The following TAB2 variants were observed in gnomAD, a reference collection of about 807,000 sequenced individuals.
TAB2 encodes TGF-beta activated kinase 1 (MAP3K7) binding protein 2.
Under a neutral mutation model 65.0 loss-of-function variants are expected in TAB2, and 3 were observed. The ratio of observed to expected loss-of-function variants is 0.05; its 90% CI spans 0.02 to 0.12. The LOEUF (loss-of-function observed/expected upper bound fraction) is 0.12. Ranked by LOEUF, TAB2 falls within the 10% of genes least tolerant of loss-of-function variation. The pLI is 1.00. For synonymous variants in TAB2, 298 were observed against 285.1 expected (o/e 1.05, Z -0.46); for missense variants, 623 against 840.3 (o/e 0.74, Z 3.20).
chr6:149,317,420 C>CGCCGCA (rs774368653), upstream of TAB2: 5 of 5,018 alleles, frequency 1.0e-3, no homozygotes, highest in East Asian at 7.0e-3. This position sits in a 1 kb window ranked among gnomAD's most constrained non-coding sequence, Gnocchi z 4.7. Context: ...CAGCCGCAGC[C>CGCCGCA]GCCGCCGCCG....
At chr6:149,339,790 G>A (rs1780058997) in intron 1 of TAB2, among the ~76,000 whole-genome samples, 1 of 151,544 alleles carries the variant, frequency 6.6e-6, no homozygotes, top group African/African-American at 2.4e-5. Context: ...GTAGAGACGG[G>A]GTTTTACCAT....
chr6:149,312,524 G>A (rs181169031), intron 1 of TAB2, among the ~76,000 whole-genome samples: 47 of 152,198 alleles, frequency 3.1e-4, no homozygotes, highest in African/African-American at 1.1e-3. Context: ...CACCACGCCC[G>A]ACTAATTTTT....
chr6:149,265,727 G>T (rs147370890), intron 1 of TAB2, among the ~76,000 whole-genome samples: 1 of 152,178 alleles, frequency 6.6e-6, no homozygotes, highest in Non-Finnish European at 1.5e-5. Context: ...CAACGCCAAC[G>T]CCCCAAGCCC....
At chr6:149,271,108 T>C (rs1778354252) in intron 1 of TAB2, among the ~76,000 whole-genome samples, 1 of 152,024 alleles carries the variant, frequency 6.6e-6, no homozygotes, top group African/African-American at 2.4e-5. Flanking sequence ...CTTGGGAGGC[T>C]TAGGTAAGAG....
At chr6:149,252,700 C>G (rs1460326685) in intron 1 of TAB2, among the ~76,000 whole-genome samples, 2 of 152,128 alleles carry the variant, frequency 1.3e-5, no homozygotes, top group African/African-American at 2.4e-5. Flanking sequence ...CTCGTCTCAC[C>G]CTAGTCTTAG....
At chr6:149,262,951 A>G (rs1778185733) in intron 1 of TAB2, among the ~76,000 whole-genome samples, 1 of 152,058 alleles carries the variant, frequency 6.6e-6, no homozygotes, top group African/African-American at 2.4e-5. Context: ...CTATGGGCAC[A>G]CACCATTGTG....
chr6:149,369,051 G>C (rs1202609665), intron 1 of TAB2, among the ~76,000 whole-genome samples: 1 of 152,104 alleles, frequency 6.6e-6, no homozygotes. Flanking sequence ...TAAGAAATTA[G>C]TTTTAAAGAG....
intron 1 of TAB2, among the ~76,000 whole-genome samples, chr6:149,271,781 C>T (rs916947876): frequency 3.9e-5 from 6 of 152,248 alleles, no homozygotes; most frequent in Non-Finnish European, 8.8e-5. Flanking sequence ...ATCAGATCTT[C>T]TTACTCATAC....
At chr6:149,230,974 G>C (rs1005233646) in intron 1 of TAB2, among the ~76,000 whole-genome samples, 2 of 152,176 alleles carry the variant, frequency 1.3e-5, no homozygotes, top group Non-Finnish European at 2.9e-5. Context: ...AGAGAGATGT[G>C]CTATGGGGTA....
intron 1 of TAB2, among the ~76,000 whole-genome samples, chr6:149,364,981 A>C (rs1780993052): frequency 6.6e-6 from 1 of 152,076 alleles, no homozygotes; most frequent in African/African-American, 2.4e-5. Context: ...GAAAGGAAAG[A>C]ATATGGCACA....
At chr6:149,381,242 A>G (rs1477624283) in intron 3 of TAB2, among the ~76,000 whole-genome samples, 5 of 152,306 alleles carry the variant, frequency 3.3e-5, no homozygotes, top group Non-Finnish European at 5.9e-5. Context: ...TATTTTCCAT[A>G]TATCTGTGAT....
chr6:149,369,448 G>A (rs568450877), intron 1 of TAB2, among the ~76,000 whole-genome samples: 93 of 152,268 alleles, frequency 6.1e-4, no homozygotes, highest in African/African-American at 2.1e-3. Flanking sequence ...ATATTTGAAA[G>A]ATAAAGCAAA....
intron 1 of TAB2, among the ~76,000 whole-genome samples, chr6:149,233,878 T>A (rs1364160167): frequency 6.6e-6 from 1 of 152,204 alleles, no homozygotes; most frequent in Non-Finnish European, 1.5e-5. Flanking sequence ...ATATAATTTT[T>A]TTACCACCAT....
chr6:149,370,934 C>G (rs1368818237), intron 2 of TAB2, among the ~76,000 whole-genome samples: 1 of 151,500 alleles, frequency 6.6e-6, no homozygotes, highest in Non-Finnish European at 1.5e-5. Flanking sequence ...GGTGTGGCAG[C>G]CCACACCTGT....
At chr6:149,352,243 A>G (rs1162869883) in intron 1 of TAB2, among the ~76,000 whole-genome samples, 1 of 152,164 alleles carries the variant, frequency 6.6e-6, no homozygotes, top group South Asian at 2.1e-4. Flanking sequence ...TACCTGCCCA[A>G]AAACAGCTTT....
Position 149,378,454 on chromosome 6 carries a change from C to T in TAB2, c.539C>T (p.Thr180Ile). The T allele has an allele frequency of 6.2e-7, 1 of 1,614,212 alleles. No individual in the cohort carries two copies. Among genetic ancestry groups the T allele is most frequent in the Non-Finnish European group, 8.5e-7 (1 of 1,180,048 alleles). The change falls in exon 3 of 7, where the codon ACT (threonine) becomes ATT (isoleucine). Residue 180 changes from threonine to isoleucine, a missense_variant. Transcript: ENST00000637181. ...QTPRFNPIMV[T>I]LAPNIQTGRN... is the part of the protein sequence containing the mutation. Reference sequence around the variant, plus strand: ...CCCAGATTTAATCCCATTATGGTAACTTTAGCCCCAAATATCCAGACTGGT... The same window carrying T: ...CCCAGATTTAATCCCATTATGGTAATTTTAGCCCCAAATATCCAGACTGGT...
At chr6:149,362,864 C>T (rs1780897098) in intron 1 of TAB2, among the ~76,000 whole-genome samples, 1 of 152,078 alleles carries the variant, frequency 6.6e-6, no homozygotes, top group African/African-American at 2.4e-5. Context: ...AAATCTATAA[C>T]TTAAGTACAA....
chr6:149,386,710 T>A (rs752143425), intron 3 of TAB2, among the ~76,000 whole-genome samples: 6 of 152,244 alleles, frequency 3.9e-5, no homozygotes, highest in Non-Finnish European at 8.8e-5. Flanking sequence ...GCCATACTGT[T>A]TTCCAAAGTG....
chr6:149,280,641 G>C (rs1486565272), intron 1 of TAB2, among the ~76,000 whole-genome samples: 1 of 152,248 alleles, frequency 6.6e-6, no homozygotes, highest in East Asian at 1.9e-4. Flanking sequence ...AGAAATGAAA[G>C]TAAAATCAAG....
Sources: allele counts gnomAD v4.1 joint callset (sites outside exome capture counted in the v4.1 genomes callset), GRCh38; gene constraint gnomAD v4.1.1; non-coding constraint Gnocchi (gnomAD v3.1); transcripts MANE v1.5; gene names NCBI Gene and HGNC (gene_info 2026-07-23, HGNC 2026-07-21).